The following ADGRF5 variants were observed in gnomAD, a reference collection of about 807,000 sequenced individuals.
ADGRF5 encodes G-protein coupled receptor 116.
Under a neutral mutation model 132.3 loss-of-function variants are expected in ADGRF5, and 75 were observed. The ratio of observed to expected loss-of-function variants is 0.57; its 90% CI spans 0.47 to 0.69. The LOEUF (loss-of-function observed/expected upper bound fraction) is 0.69. Ranked by LOEUF, ADGRF5 falls within the 30% of genes least tolerant of loss-of-function variation. The probability of loss-of-function intolerance (pLI) is 0.00; values close to 1 mark genes in which losing one functional copy is unlikely to be tolerated. For synonymous variants in ADGRF5, 629 were observed against 597.6 expected (o/e 1.05, Z -0.77); for missense variants, 1,516 against 1,630.6 (o/e 0.93, Z 1.21).
At chr6:46,863,121 G>T (rs575645594) in intron 14 of ADGRF5, 25 bp from the exon 15 acceptor site, 17 of 1,534,652 alleles carry the variant, frequency 1.1e-5, no homozygotes, top group African/African-American at 6.8e-5. Context: ...TTGAAATAAA[G>T]GGATAATTGC....
chr6:46,876,225 AG>A (rs1771631523), intron 10 of ADGRF5, among the ~76,000 whole-genome samples: 2 of 152,252 alleles, frequency 1.3e-5, no homozygotes, highest in Non-Finnish European at 2.9e-5. Flanking sequence ...ACCACGGTGC[AG>A]GTCCCCAGGC....
At chr6:46,919,223 A>G (rs1582011779) in intron 1 of ADGRF5, among the ~76,000 whole-genome samples, 2 of 152,126 alleles carry the variant, frequency 1.3e-5, no homozygotes, top group South Asian at 4.1e-4. Context: ...TTTTATCCTC[A>G]TAGTACTGAC....
chr6:46,900,566 A>G (rs1454550613), intron 2 of ADGRF5, among the ~76,000 whole-genome samples: 2 of 152,040 alleles, frequency 1.3e-5, no homozygotes, highest in Admixed American at 1.3e-4. Flanking sequence ...TTTTTTCTAC[A>G]TCTGATCCTT....
intron 2 of ADGRF5, among the ~76,000 whole-genome samples, chr6:46,905,011 G>A (rs1775172528): frequency 1.3e-5 from 2 of 152,118 alleles, no homozygotes; most frequent in Non-Finnish European, 2.9e-5. Flanking sequence ...CCCCTGACCA[G>A]CCTTCACCAC....
In ADGRF5 at chr6:46,900,062, C is replaced by G; in HGVS notation, c.124G>C (p.Ala42Pro). ...HPLSLHEHEP[A>P]GEEALRQKRA... The stretch of plus-strand genomic sequence containing the variant: ...TTTTGCCTCAGTGCCTCTTCACCAG[C>G]TGGTTCATGTTCATGAAGACTCTGA... The change falls in exon 3 of 21, where the codon GCT becomes CCT. Residue 42 changes from alanine (A) to proline (P), a missense_variant. Ala to Pro is a conservative substitution (Grantham distance 27). This residue lies in a region of ADGRF5 where 945 missense variants were observed against 929.4 expected (regional missense o/e 1.02). Transcript: ENST00000283296. The G allele has an allele frequency of 1.2e-6, 2 of 1,612,912 alleles. No homozygotes were observed. The highest frequency in any genetic ancestry group is 1.7e-6 in the Non-Finnish European group (2 of 1,178,950).
chr6:46,866,662 A>G (rs186182581), intron 13 of ADGRF5, among the ~76,000 whole-genome samples: 6 of 152,052 alleles, frequency 3.9e-5, no homozygotes, highest in Non-Finnish European at 4.4e-5. Flanking sequence ...CATATTCATT[A>G]GAAGGTATCT....
chr6:46,865,517 C>T (rs376982511), intron 13 of ADGRF5, among the ~76,000 whole-genome samples: 2 of 152,318 alleles, frequency 1.3e-5, no homozygotes, highest in East Asian at 3.9e-4. Flanking sequence ...TCTGCCTTTA[C>T]CATATTGGTA....
At chr6:46,916,270 T>C (rs1021124353) in intron 1 of ADGRF5, among the ~76,000 whole-genome samples, 6 of 152,258 alleles carry the variant, frequency 3.9e-5, no homozygotes, top group African/African-American at 9.6e-5. Flanking sequence ...GCATGGCTTT[T>C]CAACTATACT....
At chr6:46,900,808 T>C (rs1337501933) in intron 2 of ADGRF5, among the ~76,000 whole-genome samples, 1 of 152,224 alleles carries the variant, frequency 6.6e-6, no homozygotes, top group African/African-American at 2.4e-5. Flanking sequence ...GTATGGCATA[T>C]AGTAAGTTCT....
At chr6:46,919,488 G>C (rs1184978642) in intron 1 of ADGRF5, among the ~76,000 whole-genome samples, 1 of 152,194 alleles carries the variant, frequency 6.6e-6, no homozygotes, top group Non-Finnish European at 1.5e-5. Context: ...AGACAGATTA[G>C]CCTCATTAAC....
chr6:46,887,650 A>G (rs1773191653), intron 4 of ADGRF5, among the ~76,000 whole-genome samples: 1 of 152,228 alleles, frequency 6.6e-6, no homozygotes, highest in Non-Finnish European at 1.5e-5. Flanking sequence ...TCTTGCCTTC[A>G]TTTTAGAATA....
chr6:46,941,466 G>GAAAAGA (rs66918453), intron 1 of ADGRF5, among the ~76,000 whole-genome samples: 60 of 28,020 alleles, frequency 2.1e-3, no homozygotes, highest in East Asian at 6.1e-3. Context: ...GAAAAGAAAA[G>GAAAAGA]AAAGAAAAGA....
intron 1 of ADGRF5, among the ~76,000 whole-genome samples, chr6:46,907,417 C>T (rs1391325889): frequency 2.6e-5 from 4 of 151,928 alleles, no homozygotes; most frequent in African/African-American, 7.3e-5. Flanking sequence ...ATTGCCCAGG[C>T]TGGTCTTGAA....
chr6:46,884,213 A>C lies in ADGRF5; in HGVS notation c.387T>G (p.Pro129=). The C allele has an allele frequency of 1.9e-6, 3 of 1,614,072 alleles. No homozygotes were observed. Among genetic ancestry groups the C allele is most frequent in the African/African-American group, 2.7e-5 (2 of 75,024 alleles). The change falls in exon 5 of 21, where the codon CCT becomes CCG. Residue 129 remains proline (P), a synonymous_variant. Coordinates refer to ENST00000283296, the MANE Select transcript of ADGRF5 (RefSeq NM_001098518.2). ...WCSCETGYGW[P]RERCLHNLIC... is the part of the protein sequence containing the mutation. ...TGAGATTGTGAAGACACCTTTCCCGAGGCCACCCATAACCTGTCTCGCAGG... is the reference window on the plus strand; with the variant it reads ...TGAGATTGTGAAGACACCTTTCCCGCGGCCACCCATAACCTGTCTCGCAGG...
chr6:46,949,969 C>A (rs1778437296), intron 1 of ADGRF5, among the ~76,000 whole-genome samples: 1 of 152,198 alleles, frequency 6.6e-6, no homozygotes, highest in Admixed American at 6.5e-5. Flanking sequence ...CTTACTGCAG[C>A]AGATAGGTAG....
In ADGRF5 at chr6:46,859,006, C is replaced by T; in HGVS notation, c.2897G>A (p.Gly966Glu). 1.2e-6 allele frequency: 2 copies of T among 1,614,200 alleles called. No individual in the cohort carries two copies. The highest frequency in any genetic ancestry group is 1.7e-6 in the Non-Finnish European group (2 of 1,180,028). The change falls in exon 17 of 21, where the codon GGG (glycine) becomes GAG (glutamate). Residue 966 changes from glycine to glutamate, a missense_variant. Physicochemically the swap from Gly to Glu is moderately conservative, Grantham distance 98 (BLOSUM62 -2). Around this residue, in one of 2 missense-constraint regions of ADGRF5, gnomAD observed 571 missense variants for 701.2 expected, o/e 0.81. Transcript: ENST00000283296. ...ATAGCACCCACTGCTGTCCCACCCC[C>T]CTGTGTTGTTGGCAAGCCTGAAGTT... ...FWNFRLANNT[G>E]GWDSSGCYVE...
intron 12 of ADGRF5, among the ~76,000 whole-genome samples, chr6:46,868,506 T>C (rs965584494): frequency 3.3e-5 from 5 of 152,216 alleles, no homozygotes; most frequent in Non-Finnish European, 5.9e-5. Context: ...TGTTCCTTTT[T>C]TTGGAACCAA....
At chr6:46,910,760 C>A (rs1201462461) in intron 1 of ADGRF5, among the ~76,000 whole-genome samples, 1 of 152,136 alleles carries the variant, frequency 6.6e-6, no homozygotes, top group Non-Finnish European at 1.5e-5. Flanking sequence ...CCTGACCAGG[C>A]AACTGGAAAA....
At chr6:46,913,651 CTG>C (rs1776173917) in intron 1 of ADGRF5, among the ~76,000 whole-genome samples, 1 of 152,112 alleles carries the variant, frequency 6.6e-6, no homozygotes, top group Admixed American at 6.6e-5. Context: ...TGGATAGAAA[CTG>C]TACTGGGAAG....
Sources: gnomAD v4.1 joint callset for allele counts (sites outside exome capture counted in the v4.1 genomes callset) on GRCh38, gnomAD v4.1.1 for gene constraint, gnomAD v4.1.1 regional missense constraint, MANE v1.5 for transcripts, NCBI Gene and HGNC (gene_info 2026-07-23, HGNC 2026-07-21) for gene names.